SEC63: variants seen among roughly 807,000 people sequenced by gnomAD.
The protein encoded by SEC63 is translocation protein SEC63 homolog.
A neutral mutation model predicts 116.2 loss-of-function variants in SEC63; 56 were observed. That is an observed-to-expected ratio of 0.48 (90% CI 0.39 to 0.60). The LOEUF is 0.60. SEC63 is among the 20% of genes least tolerant of loss of function. SEC63 has a pLI of 0.00. For missense variants in SEC63, 668 were observed against 900.0 expected, an observed-to-expected ratio of 0.74 and a Z score of 3.30; for synonymous variants, 273 against 294.6, an observed-to-expected ratio of 0.93 and a Z score of 0.75.
rs192626082 is a variant in SEC63, at chr6:107,874,561, A to T, written c.2035-1649T>A. Among the ~76,000 whole-genome samples the T allele has an allele frequency of 9.8e-3, 1,419 of 144,588 alleles. 27 individuals are homozygous for T. The highest frequency in any genetic ancestry group is 0.036 in the African/African-American group (1,372 of 38,640). The allele number at this position is 144,588 out of a possible 152,430, so 94.9% of individuals were successfully genotyped here. A position where few individuals can be genotyped will look rare whatever the true frequency, so the allele number is the denominator to read the frequency against. ...CAGTGAGCCGAGATCATGCCACTGCACTCCAGCCTGGGCGACACAGTGAGA... is the reference window on the plus strand; with the variant it reads ...CAGTGAGCCGAGATCATGCCACTGCTCTCCAGCCTGGGCGACACAGTGAGA... On this transcript the variant is annotated intron_variant, in intron 19 of 20. Transcript: ENST00000369002.
chr6:107,912,840 A>G (rs1455677096), intron 5 of SEC63, 66 bp from the exon 6 acceptor site: 12 of 1,138,056 alleles, frequency 1.1e-5, no homozygotes, highest in Non-Finnish European at 1.4e-5. Flanking sequence ...TACATTAAAT[A>G]TATTTGGGAT....
chr6:107,912,155 T>C (rs1253903391), intron 6 of SEC63, among the ~76,000 whole-genome samples: 2 of 152,226 alleles, frequency 1.3e-5, no homozygotes, highest in Non-Finnish European at 2.9e-5. Context: ...ACAATTATTT[T>C]CAAGAAAGTT....
intron 1 of SEC63, among the ~76,000 whole-genome samples, chr6:107,950,142 A>G (rs984132372): frequency 2.6e-5 from 4 of 152,210 alleles, no homozygotes; most frequent in African/African-American, 7.2e-5. Context: ...GGTGGTGACT[A>G]TAAGACAAAA....
intron 12 of SEC63, among the ~76,000 whole-genome samples, chr6:107,902,586 T>C (rs926040233): frequency 6.6e-6 from 1 of 152,076 alleles, no homozygotes; most frequent in Non-Finnish European, 1.5e-5. Context: ...TAACATAATA[T>C]AAGGAACTAA....
At chr6:107,952,776 A>C (rs1442030609) in intron 1 of SEC63, among the ~76,000 whole-genome samples, 1 of 152,114 alleles carries the variant, frequency 6.6e-6, no homozygotes, top group Non-Finnish European at 1.5e-5. Flanking sequence ...CAAAAAAAAA[A>C]TTACTTAAAC....
intron 16 of SEC63, among the ~76,000 whole-genome samples, chr6:107,890,649 G>A (rs1431657714): frequency 6.6e-6 from 1 of 152,148 alleles, no homozygotes; most frequent in African/African-American, 2.4e-5. Context: ...AGTTTATGCA[G>A]TTTCTTCACA....
chr6:107,920,430 A>G (rs1787529020), intron 4 of SEC63, among the ~76,000 whole-genome samples: 1 of 150,388 alleles, frequency 6.6e-6, no homozygotes, highest in South Asian at 2.1e-4. Context: ...CGTCTCAAAA[A>G]AAAAAAAAAA....
At chr6:107,912,107 G>A (rs1479490108) in intron 6 of SEC63, among the ~76,000 whole-genome samples, 5 of 152,154 alleles carry the variant, frequency 3.3e-5, no homozygotes, top group Admixed American at 6.5e-5. Context: ...TACAGACTAT[G>A]TGGATTTTGT....
intron 20 of SEC63, 41 bp downstream of exon 20, chr6:107,872,767 A>T: frequency 8.6e-7 from 1 of 1,163,128 alleles, no homozygotes; most frequent in Non-Finnish European, 1.3e-6. Flanking sequence ...TTAAACATTT[A>T]TACAGAAAAC....
At position 107,868,888 on chromosome 6, in the gene SEC63, C is replaced by T. The variant is rs1396407360; in HGVS notation, c.*2816G>A. 1 of 152,150 alleles carries T rather than the reference C, an allele frequency of 6.6e-6. No homozygotes were observed. Among genetic ancestry groups the T allele is most frequent in the East Asian group, 1.9e-4 (1 of 5,196 alleles). 9.4% of individuals were successfully genotyped at this position (152,150 alleles called of 1,614,324 possible). On this transcript the variant is annotated 3_prime_UTR_variant, in exon 21 of 21. Coordinates refer to ENST00000369002, the MANE Select transcript of SEC63 (RefSeq NM_007214.5). Reference sequence around the variant, plus strand: ...AAAAATTATGTAAGGTGCTGAATTACATTTGAAATAAGAATTGTGACTACA... The same window carrying T: ...AAAAATTATGTAAGGTGCTGAATTATATTTGAAATAAGAATTGTGACTACA...
At chr6:107,873,644 C>A (rs942472045) in intron 19 of SEC63, among the ~76,000 whole-genome samples, 2 of 150,240 alleles carry the variant, frequency 1.3e-5, no homozygotes, top group African/African-American at 4.9e-5. Flanking sequence ...AAAAAAAATT[C>A]TTTAAATCAT....
At chr6:107,918,248 A>G (rs1298755542) in intron 4 of SEC63, among the ~76,000 whole-genome samples, 1 of 150,526 alleles carries the variant, frequency 6.6e-6, no homozygotes, top group Non-Finnish European at 1.5e-5. Context: ...ACCTGCTCAA[A>G]AAAAAAAAAA....
At chr6:107,924,730 G>A (rs1787636488) in intron 3 of SEC63, 88 bp downstream of exon 3, 1 of 726,940 alleles carries the variant, frequency 1.4e-6, no homozygotes, top group South Asian at 1.5e-5. Flanking sequence ...GATTTCTATA[G>A]GAATAGACAA....
At chr6:107,921,170 CCAAAA>C (rs1787547151) in intron 4 of SEC63, among the ~76,000 whole-genome samples, 1 of 151,526 alleles carries the variant, frequency 6.6e-6, no homozygotes, top group African/African-American at 2.4e-5. Context: ...CTACACATTG[CCAAAA>C]CAAGAGAAAC....
chr6:107,950,057 T>C (rs1770547967), intron 1 of SEC63, among the ~76,000 whole-genome samples: 1 of 151,962 alleles, frequency 6.6e-6, no homozygotes, highest in African/African-American at 2.4e-5. Flanking sequence ...TCACTTTATA[T>C]CCAAAGACAC....
At chr6:107,905,565 T>C (rs1231748011) in intron 10 of SEC63, among the ~76,000 whole-genome samples, 1 of 152,216 alleles carries the variant, frequency 6.6e-6, no homozygotes, top group African/African-American at 2.4e-5. Flanking sequence ...GAAACACTGT[T>C]GCCTCCATCA....
intron 16 of SEC63, among the ~76,000 whole-genome samples, chr6:107,885,571 T>TC (rs1206244792): frequency 6.6e-6 from 1 of 152,130 alleles, no homozygotes; most frequent in Non-Finnish European, 1.5e-5. Flanking sequence ...ATGTCAATTC[T>TC]CCCCATAATG....
At chr6:107,921,774 T>G (rs748971968) in intron 4 of SEC63, 23 bp downstream of exon 4, 2 of 1,453,870 alleles carry the variant, frequency 1.4e-6, no homozygotes, top group South Asian at 1.1e-5. Context: ...TCTTAAAAAT[T>G]TGTAATGGAT....
At position 107,923,329 on chromosome 6, in the gene SEC63, G is replaced by T. The variant is rs542771019; in HGVS notation, c.340-1420C>A. Among the ~76,000 whole-genome samples, 516 of 152,148 alleles carry T rather than the reference G, an allele frequency of 3.4e-3. 4 individuals carry two copies. Among genetic ancestry groups the T allele is most frequent in the African/African-American group, 0.012 (500 of 41,506 alleles). ...GGGTTTCCCTATGTTGCCCAGGCTG[G>T]TCTCAAACTCTTGGCCTCAAGCAAT... On this transcript the variant is annotated intron_variant, in intron 3 of 20. Coordinates refer to ENST00000369002, the MANE Select transcript of SEC63 (RefSeq NM_007214.5).
Sources: gnomAD v4.1 joint callset for allele counts (sites outside exome capture counted in the v4.1 genomes callset) on GRCh38, gnomAD v4.1.1 for gene constraint, MANE v1.5 for transcripts, NCBI Gene and HGNC (gene_info 2026-07-23, HGNC 2026-07-21) for gene names.